FAM117B: variants seen among roughly 807,000 people sequenced by gnomAD.
FAM117B encodes family with sequence similarity 117 member B, also known as protein FAM117B.
In FAM117B, 22 loss-of-function variants were observed where a neutral mutation model predicts 52.8. That is an observed-to-expected ratio of 0.42 (90% CI 0.30 to 0.59). FAM117B has a LOEUF of 0.59. Ranked by LOEUF, FAM117B falls within the 20% of genes least tolerant of loss-of-function variation. The pLI, the probability that FAM117B is intolerant of heterozygous loss-of-function variation, is 0.22. For synonymous variants in FAM117B, 309 were observed against 324.1 expected (o/e 0.95, Z 0.50); for missense variants, 678 against 802.6 (o/e 0.84, Z 1.88).
At chr2:202,705,383 C>T (rs1690856812) in intron 2 of FAM117B, among the ~76,000 whole-genome samples, 1 of 152,054 alleles carries the variant, frequency 6.6e-6, no homozygotes, top group South Asian at 2.1e-4. Flanking sequence ...TTGCATACCC[C>T]ACCTCATCAT....
chr2:202,672,705 A>G (rs923396801), intron 1 of FAM117B, among the ~76,000 whole-genome samples: 1 of 152,162 alleles, frequency 6.6e-6, no homozygotes, highest in African/African-American at 2.4e-5. Flanking sequence ...ATCTATGTAT[A>G]TCATAATTTA....
rs558691850 is a variant in FAM117B at position 202,767,157 on chromosome 2, CTTTTT to C, written c.*1409_*1413del. 4 of 110,370 alleles carry C rather than the reference CTTTTT, an allele frequency of 3.6e-5. No individual in the cohort carries two copies. The highest frequency in any genetic ancestry group is 3.6e-5 in the Non-Finnish European group (2 of 55,428). 6.8% of individuals were successfully genotyped at this position (110,370 alleles called of 1,614,324 possible). A position where few individuals can be genotyped will look rare whatever the true frequency, so the allele number is the denominator to read the frequency against. On this transcript the variant is annotated 3_prime_UTR_variant, in exon 8 of 8. Transcript: ENST00000392238. Reference sequence around the variant, plus strand: ...ATGTGGTAGTGAGATTAAGGAGCAGCTTTTTTTTTTTTTTTTTTTTGAGACGGAGT... The same window carrying C: ...ATGTGGTAGTGAGATTAAGGAGCAGCTTTTTTTTTTTTTTTGAGACGGAGT...
intron 1 of FAM117B, among the ~76,000 whole-genome samples, chr2:202,642,102 C>T (rs1176098742): frequency 4.7e-5 from 7 of 148,980 alleles, no homozygotes; most frequent in African/African-American, 1.2e-4. Flanking sequence ...CCACCATGCC[C>T]GGCTGATTTT....
chr2:202,759,702 C>T (rs527303166), intron 7 of FAM117B, among the ~76,000 whole-genome samples: 38 of 151,988 alleles, frequency 2.5e-4, no homozygotes, highest in Admixed American at 2.6e-4. Context: ...GGACTACAGG[C>T]GCCTACCACC....
intron 1 of FAM117B, among the ~76,000 whole-genome samples, chr2:202,668,527 C>CAAAA (rs373784165): frequency 2.8e-5 from 2 of 71,678 alleles, no homozygotes; most frequent in Admixed American, 1.8e-4. Context: ...GACTCTCTCT[C>CAAAA]AAAAAAAAAA....
At chr2:202,721,889 C>T (rs776914013) in intron 2 of FAM117B, among the ~76,000 whole-genome samples, 21 of 152,042 alleles carry the variant, frequency 1.4e-4, no homozygotes, top group Non-Finnish European at 2.6e-4. Flanking sequence ...TAGCCTTGGC[C>T]TCTCAAAGCA....
intron 1 of FAM117B, among the ~76,000 whole-genome samples, chr2:202,667,492 G>A (rs142969568): frequency 3.0e-4 from 45 of 152,166 alleles, no homozygotes; most frequent in East Asian, 2.1e-3. Flanking sequence ...TTGTGTGTGC[G>A]TGCGCGCGCA....
intron 1 of FAM117B, among the ~76,000 whole-genome samples, chr2:202,650,693 C>G (rs181423898): frequency 2.0e-4 from 30 of 152,232 alleles, no homozygotes; most frequent in Non-Finnish European, 4.0e-4. Context: ...GAGCGCCTGG[C>G]AATCCACTGG....
Position 202,740,173 on chromosome 2 carries a change from CCAAAA to C in FAM117B, c.960+13811_960+13815del, listed in dbSNP as rs1438343267. Among the ~76,000 whole-genome samples, 184 of 69,688 alleles carry C rather than the reference CCAAAA, an allele frequency of 2.6e-3. 16 individuals carry two copies. Among genetic ancestry groups the C allele is most frequent in the South Asian group, 0.012 (21 of 1,744 alleles). The allele number at this position is 69,688 out of a possible 152,430, so 45.7% of individuals were successfully genotyped here. On this transcript the variant is annotated intron_variant, in intron 4 of 7. Coordinates refer to ENST00000392238, the MANE Select transcript of FAM117B (RefSeq NM_173511.4). ...GGAGGACAGAGCGAGACTTCATCCC[CCAAAA>C]AAAAAAAAAAAAAAAAAAAAAAAAT...
At chr2:202,650,518 T>C (rs1197714161) in intron 1 of FAM117B, among the ~76,000 whole-genome samples, 1 of 152,144 alleles carries the variant, frequency 6.6e-6, no homozygotes, top group Non-Finnish European at 1.5e-5. Flanking sequence ...GATAGATGTA[T>C]ATATAAAGGG....
At chr2:202,670,435 G>A (rs890412855) in intron 1 of FAM117B, among the ~76,000 whole-genome samples, 18 of 151,808 alleles carry the variant, frequency 1.2e-4, no homozygotes, top group Non-Finnish European at 2.6e-4. Context: ...GATTACAGGC[G>A]CCTGCCACCA....
chr2:202,663,397 A>T (rs550973995), intron 1 of FAM117B, among the ~76,000 whole-genome samples: 2 of 152,306 alleles, frequency 1.3e-5, no homozygotes, highest in Non-Finnish European at 2.9e-5. Context: ...TTATTGTGCT[A>T]CATTTATATA....
chr2:202,661,762 A>G (rs1367405558), intron 1 of FAM117B, among the ~76,000 whole-genome samples: 1 of 152,126 alleles, frequency 6.6e-6, no homozygotes, highest in African/African-American at 2.4e-5. Context: ...GTAAAAATAC[A>G]AAAATTAGCC....
Position 202,669,198 on chromosome 2 carries a change from A to G in FAM117B, c.602-26683A>G, listed in dbSNP as rs80260699. ...ATTTTTTTTAGTCTTTTAAACCCAC[A>G]TCTTGATTTGATAGACACAAAAATC... On this transcript the variant is annotated intron_variant, in intron 1 of 7. Coordinates refer to ENST00000392238, the MANE Select transcript of FAM117B (RefSeq NM_173511.4). 2.4e-3 allele frequency among the ~76,000 whole-genome samples: 368 copies of G among 152,298 alleles called. 2 individuals are homozygous for G. Among genetic ancestry groups the G allele is most frequent in the African/African-American group, 8.3e-3 (346 of 41,572 alleles).
At chr2:202,714,685 G>A (rs865865468) in intron 2 of FAM117B, among the ~76,000 whole-genome samples, 1 of 151,836 alleles carries the variant, frequency 6.6e-6, no homozygotes, top group East Asian at 1.9e-4. Flanking sequence ...GCGGCCTTCC[G>A]CAGTGTTTGT....
chr2:202,670,764 T>C (rs532794299), intron 1 of FAM117B, among the ~76,000 whole-genome samples: 5 of 152,340 alleles, frequency 3.3e-5, no homozygotes, highest in African/African-American at 1.2e-4. Flanking sequence ...CAGAGTCAGT[T>C]ACTGCATCCA....
chr2:202,751,165 A>G (rs1383391025), intron 4 of FAM117B, among the ~76,000 whole-genome samples: 1 of 152,240 alleles, frequency 6.6e-6, no homozygotes, highest in East Asian at 1.9e-4. Flanking sequence ...TTATTTTACA[A>G]TTCACCTAAA....
intron 7 of FAM117B, among the ~76,000 whole-genome samples, chr2:202,762,282 G>A (rs1691901842): frequency 6.6e-6 from 1 of 152,162 alleles, no homozygotes; most frequent in East Asian, 1.9e-4. Flanking sequence ...TTCTAGAAAT[G>A]TGTCTGTTTA....
intron 2 of FAM117B, among the ~76,000 whole-genome samples, chr2:202,718,316 C>T (rs1247459511): frequency 1.3e-5 from 2 of 152,190 alleles, no homozygotes; most frequent in Non-Finnish European, 2.9e-5. Flanking sequence ...TTCAGTTTTT[C>T]TTCATTGAAT....
Sources: allele counts gnomAD v4.1 joint callset (sites outside exome capture counted in the v4.1 genomes callset), GRCh38; gene constraint gnomAD v4.1.1; transcripts MANE v1.5; gene names NCBI Gene and HGNC (gene_info 2026-07-23, HGNC 2026-07-21).